PCSK2: variants seen among roughly 807,000 people sequenced by gnomAD.
PCSK2 encodes neuroendocrine convertase 2.
A neutral mutation model predicts 69.7 loss-of-function variants in PCSK2; 14 were observed. The ratio of observed to expected loss-of-function variants is 0.20; its 90% CI spans 0.13 to 0.31. The LOEUF (loss-of-function observed/expected upper bound fraction) is 0.31, where lower values mean the gene tolerates loss of function less well. Among genes scored for constraint, PCSK2 ranks in the 10% least tolerant of loss-of-function variants. The probability of loss-of-function intolerance (pLI) is 1.00; values close to 1 mark genes in which losing one functional copy is unlikely to be tolerated. For synonymous variants in PCSK2, 307 were observed against 320.7 expected, an observed-to-expected ratio of 0.96 and a Z score of 0.46; for missense variants, 544 against 842.5, an observed-to-expected ratio of 0.65 and a Z score of 4.39.
At chr20:17,305,328 GT>G (rs200466117) in intron 2 of PCSK2, among the ~76,000 whole-genome samples, 3 of 151,282 alleles carry the variant, frequency 2.0e-5, no homozygotes, top group Non-Finnish European at 2.9e-5. Context: ...AAATGAAAAT[GT>G]TTTTTTTTGA....
intron 1 of PCSK2, among the ~76,000 whole-genome samples, chr20:17,255,016 T>C (rs1201421404): frequency 6.6e-6 from 1 of 152,236 alleles, no homozygotes; most frequent in African/African-American, 2.4e-5. Context: ...CATGTTAATC[T>C]TATATTCTGC....
intron 7 of PCSK2, among the ~76,000 whole-genome samples, chr20:17,431,023 G>A (rs2032353886): frequency 6.6e-6 from 1 of 152,116 alleles, no homozygotes; most frequent in Non-Finnish European, 1.5e-5. Context: ...CTCATCAAAT[G>A]TATCTAATTC....
chr20:17,344,782 T>G (rs930939520), intron 2 of PCSK2, among the ~76,000 whole-genome samples: 4 of 152,082 alleles, frequency 2.6e-5, no homozygotes, highest in Non-Finnish European at 4.4e-5. Context: ...TTTGGAAGGC[T>G]CTTTTCCCAG....
intron 2 of PCSK2, among the ~76,000 whole-genome samples, chr20:17,279,911 TA>T (rs1214116820): frequency 3.3e-5 from 5 of 152,176 alleles, no homozygotes; most frequent in East Asian, 1.9e-4. Flanking sequence ...AACACTTTTT[TA>T]TTTTTTTATT....
At chr20:17,429,364 T>G in intron 6 of PCSK2, 71 bp from the exon 7 acceptor site, 1 of 1,077,964 alleles carries the variant, frequency 9.3e-7, no homozygotes, top group East Asian at 2.4e-5. Flanking sequence ...CAAAGAGAAT[T>G]TTGAGCCCAT....
At chr20:17,226,594 A>G (rs1730521985), upstream of PCSK2, among the ~76,000 whole-genome samples, 1 of 151,852 alleles carries the variant, frequency 6.6e-6, no homozygotes, top group South Asian at 2.1e-4. Context: ...AGAGGCACAG[A>G]GGCCGGCGCC....
intron 7 of PCSK2, among the ~76,000 whole-genome samples, chr20:17,431,467 C>T (rs1399530475): frequency 6.6e-6 from 1 of 152,212 alleles, no homozygotes; most frequent in Non-Finnish European, 1.5e-5. Flanking sequence ...AGCCTGACAC[C>T]TCAAAGACGC....
intron 2 of PCSK2, among the ~76,000 whole-genome samples, chr20:17,288,021 G>A (rs6080626): frequency 1.7e-4 from 26 of 152,318 alleles, no homozygotes; most frequent in African/African-American, 6.3e-4. Context: ...CCTCATGCAA[G>A]GTGATGAGCT....
chr20:17,344,331 A>G (rs1990589413), intron 2 of PCSK2, among the ~76,000 whole-genome samples: 1 of 152,056 alleles, frequency 6.6e-6, no homozygotes, highest in Non-Finnish European at 1.5e-5. Flanking sequence ...AATATTTCAG[A>G]CATATGCCAA....
intron 1 of PCSK2, among the ~76,000 whole-genome samples, chr20:17,258,019 A>T (rs564919157): frequency 6.6e-6 from 1 of 152,338 alleles, no homozygotes; most frequent in Non-Finnish European, 1.5e-5. Flanking sequence ...GGACTTTTCC[A>T]ACTGAGCAAA....
intron 6 of PCSK2, among the ~76,000 whole-genome samples, chr20:17,422,557 T>C (rs978369107): frequency 6.6e-6 from 1 of 151,554 alleles, no homozygotes; most frequent in African/African-American, 2.4e-5. Context: ...CTAGACAAAA[T>C]TGTTTTAAAA....
chr20:17,412,090 G>T (rs867530022), intron 6 of PCSK2, among the ~76,000 whole-genome samples: 55 of 152,324 alleles, frequency 3.6e-4, no homozygotes, highest in African/African-American at 1.2e-3. Context: ...GAGCAGAAAA[G>T]CTGAAAATTC....
intron 5 of PCSK2, among the ~76,000 whole-genome samples, chr20:17,406,995 A>G (rs8123138): frequency 0.14 from 21,435 of 151,702 alleles, 2,254 homozygotes; most frequent in African/African-American, 0.29. Flanking sequence ...CAGTTCACCC[A>G]GATCCTGCCT....
chr20:17,295,392 A>G (rs1164458170), intron 2 of PCSK2, among the ~76,000 whole-genome samples: 1 of 151,964 alleles, frequency 6.6e-6, no homozygotes, highest in East Asian at 1.9e-4. Flanking sequence ...CAATACCAGC[A>G]TTTGTTCTTT....
chr20:17,438,313 T>C (rs1206926764), intron 8 of PCSK2, among the ~76,000 whole-genome samples: 2 of 152,230 alleles, frequency 1.3e-5, no homozygotes, highest in Non-Finnish European at 2.9e-5. Flanking sequence ...TCATTACTTA[T>C]ACATTGATAA....
intron 9 of PCSK2, among the ~76,000 whole-genome samples, chr20:17,454,860 A>G (rs112685288): frequency 5.1e-4 from 77 of 152,290 alleles, no homozygotes; most frequent in African/African-American, 1.8e-3. Context: ...TGGGATCCCA[A>G]CTTGGCAAGA....
intron 2 of PCSK2, among the ~76,000 whole-genome samples, chr20:17,299,484 C>T (rs1019680147): frequency 5.9e-5 from 9 of 151,740 alleles, no homozygotes; most frequent in Admixed American, 5.9e-4. Context: ...TTTAATTTTC[C>T]TTGCCCATTT....
intron 1 of PCSK2, among the ~76,000 whole-genome samples, chr20:17,241,742 A>G (rs1359199822): frequency 6.6e-6 from 1 of 152,210 alleles, no homozygotes; most frequent in African/African-American, 2.4e-5. Context: ...AGAACAAAAC[A>G]ATTAAATGCA....
At chr20:17,266,570 A>G (rs1987611626) in intron 2 of PCSK2, among the ~76,000 whole-genome samples, 1 of 152,218 alleles carries the variant, frequency 6.6e-6, no homozygotes, top group Non-Finnish European at 1.5e-5. Flanking sequence ...GAGAAATTAA[A>G]CAAAGATGGG....
Sources: allele counts gnomAD v4.1 joint callset (sites outside exome capture counted in the v4.1 genomes callset), GRCh38; gene constraint gnomAD v4.1.1; transcripts MANE v1.5; gene names NCBI Gene and HGNC (gene_info 2026-07-23, HGNC 2026-07-21).